Variants in MACF1 observed in about 807,000 individuals in gnomAD.
The protein encoded by MACF1 is microtubule actin crosslinking factor 1.
A neutral mutation model predicts 854.8 loss-of-function variants in MACF1; 193 were observed. The ratio of observed to expected loss-of-function variants is 0.23; its 90% CI spans 0.20 to 0.25. The LOEUF (loss-of-function observed/expected upper bound fraction) is 0.25, where lower values mean the gene tolerates loss of function less well. Ranked by LOEUF, MACF1 falls within the 10% of genes least tolerant of loss-of-function variation. MACF1 has a pLI of 1.00. For synonymous variants in MACF1, 3,185 were observed against 3,226.7 expected, an observed-to-expected ratio of 0.99 and a Z score of 0.44; for missense variants, 7,722 against 8,929.1, an observed-to-expected ratio of 0.86 and a Z score of 5.45.
intron 38 of MACF1, among the ~76,000 whole-genome samples, chr1:39,339,855 T>G (rs994477014): frequency 6.6e-6 from 1 of 152,082 alleles, no homozygotes; most frequent in Non-Finnish European, 1.5e-5. Flanking sequence ...GAAGACAGAT[T>G]GTAGTGGTTT....
rs1234149431 is a variant in MACF1 at position 39,477,127 on chromosome 1, T to TACACAC, written c.21959-2670_21959-2669insCACACA. On this transcript the variant is annotated intron_variant, in intron 97 of 100. Coordinates refer to ENST00000564288, the MANE Select transcript of MACF1 (RefSeq NM_001394062.1). The stretch of plus-strand genomic sequence containing the variant: ...CATATATACACTTAGTGTATATATA[T>TACACAC]ATATATATACACACACACACACACA... Among the ~76,000 whole-genome samples the TACACAC allele has an allele frequency of 2.1e-4, 6 of 28,052 alleles. 1 individual carries two copies. The highest frequency in any genetic ancestry group is 4.2e-4 in the Admixed American group (1 of 2,354). The allele number at this position is 28,052 out of a possible 152,430, so 18.4% of individuals were successfully genotyped here.
At chr1:39,354,562 G>T (rs1397172863) in intron 44 of MACF1, among the ~76,000 whole-genome samples, 1 of 152,050 alleles carries the variant, frequency 6.6e-6, no homozygotes, top group African/African-American at 2.4e-5. Context: ...GTGCCACCAT[G>T]CCTAGCTAAG....
chr1:39,456,637 TCTC>T (rs1335158829), intron 89 of MACF1: 1 of 152,226 alleles, frequency 6.6e-6, no homozygotes, highest in Non-Finnish European at 1.5e-5. Context: ...ATTCAGTTCT[TCTC>T]CTTTCTGTTT....
chr1:39,358,892 T>A lies in MACF1; in HGVS notation c.12120+19T>A. 1.3e-6 allele frequency: 2 copies of A among 1,589,496 alleles called. No individual in the cohort carries two copies. The highest frequency in any genetic ancestry group is 1.7e-6 in the Non-Finnish European group (2 of 1,171,338). On this transcript the variant is annotated intron_variant, in intron 46 of 100. Transcript: ENST00000564288. ...AACAAAGGTAAGTCAGGACACAGGC[T>A]GTGTTGTGGTGTCAAGACCTTGTAT...
chr1:39,236,377 C>T (rs1644859567), intron 2 of MACF1, among the ~76,000 whole-genome samples: 2 of 152,118 alleles, frequency 1.3e-5, no homozygotes, highest in African/African-American at 4.8e-5. Context: ...TCATTCTGCT[C>T]CCTGTGCTTG....
intron 49 of MACF1, among the ~76,000 whole-genome samples, chr1:39,362,185 G>T (rs563548025): frequency 1.3e-4 from 20 of 152,292 alleles, no homozygotes; most frequent in African/African-American, 4.1e-4. Flanking sequence ...CCAAGTCATA[G>T]TATATGCATA....
intron 2 of MACF1, among the ~76,000 whole-genome samples, chr1:39,106,425 A>G (rs1049353370): frequency 1.3e-5 from 2 of 152,120 alleles, no homozygotes; most frequent in African/African-American, 2.4e-5. Context: ...CCTTGGGTGT[A>G]TGGGGAGAAA....
rs774937928 is a variant in MACF1, at chr1:39,442,517, C to G, written c.19054C>G (p.Pro6352Ala). The change falls in exon 77 of 101, where the codon CCA (proline) becomes GCA (alanine). Residue 6352 changes from proline (P) to alanine (A), a missense_variant. Pro to Ala is a conservative substitution (Grantham distance 27). Transcript: ENST00000564288. ...HTEELLDAQR[P>A]ISGDPKVIEV... ...CGAAGAGTTGTTAGATGCTCAGAGA[C>G]CAATAAGTGGAGACCCAAAAGTCAT... 2 of 1,614,120 alleles carry G rather than the reference C, an allele frequency of 1.2e-6. No homozygotes were observed. Among genetic ancestry groups the G allele is most frequent in the Non-Finnish European group, 1.7e-6 (2 of 1,180,024 alleles).
At position 39,370,100 on chromosome 1, in the gene MACF1, T is replaced by C; in HGVS notation, c.13009T>C (p.Trp4337Arg). The stretch of plus-strand genomic sequence containing the variant: ...GAAGCTGGTCAGGACCTTCCAGAAA[T>C]GGTTGAAAGAAACTGAAGGGAGTAT... ...FRKLVRTFQK[W>R]LKETEGSIPP... Residue 4337 changes from tryptophan (W) to arginine (R), a missense_variant, in exon 51 of 101, where the codon TGG becomes CGG. Around this residue, in one of 15 missense-constraint regions of MACF1, gnomAD observed 2,807 missense variants for 3,235.8 expected, o/e 0.87. Transcript: ENST00000564288. 6.2e-7 allele frequency: 1 copy of C among 1,614,078 alleles called. No individual in the cohort carries two copies. Among genetic ancestry groups the C allele is most frequent in the Non-Finnish European group, 8.5e-7 (1 of 1,179,980 alleles).
chr1:39,310,183 A>G (rs1646272015), intron 24 of MACF1, 62 bp from the exon 25 acceptor site: 1 of 1,331,218 alleles, frequency 7.5e-7, no homozygotes, highest in South Asian at 1.4e-5. Context: ...AGTAAAATGG[A>G]GGAAAAGAGG....
At chr1:39,234,413 AG>A (rs1644827010) in intron 2 of MACF1, among the ~76,000 whole-genome samples, 1 of 132,766 alleles carries the variant, frequency 7.5e-6, no homozygotes, top group African/African-American at 2.8e-5. Context: ...CTGGCCGGGC[AG>A]GGGGCTGACC....
rs1321266592 is a variant in MACF1, at chr1:39,378,507, A to T, written c.13260A>T (p.Gly4420=). 1 of 1,613,878 alleles carries T rather than the reference A, an allele frequency of 6.2e-7. No homozygotes were observed. The highest frequency in any genetic ancestry group is 8.5e-7 in the Non-Finnish European group (1 of 1,179,770). ...SVGSSVGSVN[G]YHTCKDLTEI... Reference sequence around the variant, plus strand: ...GAAGCTCTGTAGGCAGTGTAAACGGATACCACACCTGCAAAGGTGAGAATG... The same window carrying T: ...GAAGCTCTGTAGGCAGTGTAAACGGTTACCACACCTGCAAAGGTGAGAATG... The change falls in exon 53 of 101, where the codon GGA becomes GGT. Residue 4420 remains glycine (G), a synonymous_variant. Transcript: ENST00000564288.
intron 2 of MACF1, among the ~76,000 whole-genome samples, chr1:39,240,785 C>T (rs528577121): frequency 6.6e-6 from 1 of 152,324 alleles, no homozygotes; most frequent in South Asian, 2.1e-4. Context: ...AGGCGTGAGC[C>T]ACTGCACCCA....
At chr1:39,328,934 G>A (rs1335834805) in intron 36 of MACF1, among the ~76,000 whole-genome samples, 1 of 152,140 alleles carries the variant, frequency 6.6e-6, no homozygotes, top group Non-Finnish European at 1.5e-5. Context: ...GCATTTTTGA[G>A]ACTCCATGAA....
chr1:39,440,891 T>C lies in MACF1; in HGVS notation c.18448-112T>C. ...GCTTTAGTGTCCAGATAAGTGAAAC[T>C]GACAGTTATGTTGAGCATCTGCTAT... On this transcript the variant is annotated intron_variant, in intron 72 of 100. Transcript: ENST00000564288. The C allele has an allele frequency of 2.0e-6, 2 of 1,020,694 alleles. 1 individual carries two copies. Among genetic ancestry groups the C allele is most frequent in the South Asian group, 3.0e-5 (2 of 67,336 alleles). 63.2% of individuals were successfully genotyped at this position (1,020,694 alleles called of 1,614,324 possible).
chr1:39,222,669 T>C (rs1644667193), intron 1 of MACF1, among the ~76,000 whole-genome samples: 1 of 152,224 alleles, frequency 6.6e-6, no homozygotes, highest in Admixed American at 6.5e-5. Flanking sequence ...CTTGGTGTTA[T>C]TGTTAATTAT....
rs1414011777 is a variant in MACF1, at chr1:39,345,486, G to A, written c.10582-1491G>A. Among the ~76,000 whole-genome samples, 5 of 151,984 alleles carry A rather than the reference G, an allele frequency of 3.3e-5. No individual in the cohort carries two copies. In the East Asian group the frequency reaches 5.9e-4, roughly 18 times the overall value. ...ATTAGCTGGGCATGGTGGTGCACAC[G>A]TGTGGTCCCAGCTACTTGGAAGGCT... On this transcript the variant is annotated intron_variant, in intron 40 of 100. Coordinates refer to ENST00000564288, the MANE Select transcript of MACF1 (RefSeq NM_001394062.1).
In MACF1 at chr1:39,105,600, G is replaced by A; in HGVS notation, c.220+21162G>A. The A allele has an allele frequency of 8.2e-7, 1 of 1,215,314 alleles. No individual in the cohort carries two copies. Among genetic ancestry groups the A allele is most frequent in the Non-Finnish European group, 1.1e-6 (1 of 951,474 alleles). The allele number at this position is 1,215,314 out of a possible 1,614,324, so 75.3% of individuals were successfully genotyped here. ...CTGGAACCGGCAGCCCCCGGGGCTC[G>A]GCGAGAAGGCGGTGCGGGCGGCCAT... On this transcript the variant is annotated intron_variant, in intron 2 of 93. Transcript: ENST00000361689. The surrounding 1 kb of genome is among the most constrained non-coding windows in gnomAD (Gnocchi z 5.9).
chr1:39,428,204 G>C lies in MACF1; in HGVS notation c.16720G>C (p.Ala5574Pro). 1 of 1,614,140 alleles carries C rather than the reference G, an allele frequency of 6.2e-7. No homozygotes were observed. The highest frequency in any genetic ancestry group is 1.3e-5 in the African/African-American group (1 of 75,058). ...TGAGGTGGAGGTGCTCAACTGGCTG[G>C]CTGAGGTTGAGGACAAGCTCAGTTC... The part of the protein sequence containing the change: ...EDEVEVLNWL[A>P]EVEDKLSSVF... The change falls in exon 63 of 101, where the codon GCT (alanine) becomes CCT (proline). Residue 5574 changes from alanine (A) to proline (P), a missense_variant. Physicochemically the swap from Ala to Pro is conservative, Grantham distance 27 (BLOSUM62 -1). This residue lies in a region of MACF1 where 2,807 missense variants were observed against 3,235.8 expected (regional missense o/e 0.87). Coordinates refer to ENST00000564288, the MANE Select transcript of MACF1 (RefSeq NM_001394062.1).
Sources: gnomAD v4.1 joint callset for allele counts (sites outside exome capture counted in the v4.1 genomes callset) on GRCh38, gnomAD v4.1.1 for gene constraint, gnomAD v4.1.1 regional missense constraint, Gnocchi (gnomAD v3.1) non-coding constraint, MANE v1.5 for transcripts, NCBI Gene and HGNC (gene_info 2026-07-23, HGNC 2026-07-21) for gene names.